PPM1H: variants seen among roughly 807,000 people sequenced by gnomAD.
PPM1H encodes the protein protein phosphatase, Mg2+/Mn2+ dependent 1H.
A neutral mutation model predicts 54.9 loss-of-function variants in PPM1H; 27 were observed. The ratio of observed to expected loss-of-function variants is 0.49; its 90% CI spans 0.36 to 0.68. The LOEUF (loss-of-function observed/expected upper bound fraction) is 0.68, where lower values mean the gene tolerates loss of function less well. PPM1H is among the 30% of genes least tolerant of loss of function. The probability of loss-of-function intolerance (pLI) is 0.00; values close to 1 mark genes in which losing one functional copy is unlikely to be tolerated. For synonymous variants in PPM1H, 305 were observed against 270.8 expected (o/e 1.13, Z -1.24); for missense variants, 596 against 667.8 (o/e 0.89, Z 1.19).
chr12:62,832,139 T>C lies in PPM1H; in HGVS notation c.386A>G (p.Glu129Gly), dbSNP rs1320196044. 1 of 1,613,566 alleles carries C rather than the reference T, an allele frequency of 6.2e-7. No homozygotes were observed. Among genetic ancestry groups the C allele is most frequent in the Admixed American group, 1.7e-5 (1 of 59,986 alleles). Reference sequence around the variant, plus strand: ...CGAGTTCTCCTTCAGCTGCAGCCCTTCCCCATTGGGAAGGGAGGACCGTCT... The same window carrying C: ...CGAGTTCTCCTTCAGCTGCAGCCCTCCCCCATTGGGAAGGGAGGACCGTCT... Reference protein sequence around the residue: ...SKRRSSLPNGEGLQLKENSES... With the variant: ...SKRRSSLPNGGGLQLKENSES... Residue 129 changes from glutamate (E) to glycine (G), a missense_variant, in exon 2 of 10, where the codon GAA becomes GGA. Transcript: ENST00000228705.
chr12:62,675,867 A>G (rs1159979009), intron 8 of PPM1H, among the ~76,000 whole-genome samples: 1 of 152,230 alleles, frequency 6.6e-6, no homozygotes, highest in African/African-American at 2.4e-5. Context: ...GGGGAGATAC[A>G]ATCACCATGG....
intron 1 of PPM1H, among the ~76,000 whole-genome samples, chr12:62,833,205 G>C (rs1868403401): frequency 6.6e-6 from 1 of 152,112 alleles, no homozygotes; most frequent in African/African-American, 2.4e-5. Context: ...GGAGTTTATG[G>C]AACTCAGTAG....
At chr12:62,830,460 T>C (rs1868340061) in intron 2 of PPM1H, among the ~76,000 whole-genome samples, 1 of 152,148 alleles carries the variant, frequency 6.6e-6, no homozygotes, top group South Asian at 2.1e-4. Flanking sequence ...TGTCACTGTG[T>C]TAGCCAGGAT....
chr12:62,669,969 CTTTTTTTTTTT>C lies in PPM1H; in HGVS notation c.1246-2651_1246-2641del, dbSNP rs1161094944. ...AAAATAGTGTTTAGAGGATTGATTC[CTTTTTTTTTTT>C]TTTTTTTTTTTTTTGAGACGGAGTT... is the stretch of plus-strand genomic sequence containing the variant. On this transcript the variant is annotated intron_variant, in intron 8 of 9. Coordinates refer to ENST00000228705, the MANE Select transcript of PPM1H (RefSeq NM_020700.2). Among the ~76,000 whole-genome samples, 11 of 46,428 alleles carry C rather than the reference CTTTTTTTTTTT, an allele frequency of 2.4e-4. 1 individual carries two copies. Among genetic ancestry groups the C allele is most frequent in the African/African-American group, 4.6e-4 (4 of 8,780 alleles). The allele number at this position is 46,428 out of a possible 152,430, so 30.5% of individuals were successfully genotyped here.
chr12:62,698,919 T>C (rs185224860), intron 6 of PPM1H, among the ~76,000 whole-genome samples: 23 of 152,340 alleles, frequency 1.5e-4, no homozygotes, highest in Middle Eastern at 3.4e-3. Context: ...TCCAACTCAC[T>C]GACAACTTCC....
intron 5 of PPM1H, among the ~76,000 whole-genome samples, chr12:62,734,104 G>A (rs2076338233): frequency 6.6e-6 from 1 of 151,446 alleles, no homozygotes; most frequent in African/African-American, 2.4e-5. Flanking sequence ...AGGCTCCAGG[G>A]AGCATCCTTG....
At chr12:62,855,860 C>T (rs1869365132) in intron 1 of PPM1H, among the ~76,000 whole-genome samples, 1 of 152,180 alleles carries the variant, frequency 6.6e-6, no homozygotes, top group African/African-American at 2.4e-5. Flanking sequence ...GCTGTGTTCT[C>T]AAACAAAGGG....
At chr12:62,654,885 T>G (rs1274926929) in intron 9 of PPM1H, among the ~76,000 whole-genome samples, 1 of 152,138 alleles carries the variant, frequency 6.6e-6, no homozygotes, top group Non-Finnish European at 1.5e-5. Context: ...AGGGAGAAGT[T>G]TAGGGAAGAT....
chr12:62,662,255 A>T (rs2075888526), intron 9 of PPM1H, among the ~76,000 whole-genome samples: 1 of 152,260 alleles, frequency 6.6e-6, no homozygotes, highest in African/African-American at 2.4e-5. Flanking sequence ...GTGGCTTTGC[A>T]AAGCTTTATA....
At chr12:62,878,647 A>G (rs1870271471) in intron 1 of PPM1H, among the ~76,000 whole-genome samples, 1 of 149,688 alleles carries the variant, frequency 6.7e-6, no homozygotes, top group South Asian at 2.1e-4. Flanking sequence ...AAAAAAAAAA[A>G]AAAAAAAAGA....
chr12:62,711,101 C>A (rs1208810036), intron 6 of PPM1H, among the ~76,000 whole-genome samples: 1 of 152,176 alleles, frequency 6.6e-6, no homozygotes, highest in African/African-American at 2.4e-5. Context: ...AAGTGTTCTG[C>A]CCACCTCAGG....
At chr12:62,706,197 G>C (rs1176339189) in intron 6 of PPM1H, among the ~76,000 whole-genome samples, 1 of 152,116 alleles carries the variant, frequency 6.6e-6, no homozygotes, top group Non-Finnish European at 1.5e-5. Flanking sequence ...AACCATGAGA[G>C]TTTTGCACAA....
chr12:62,842,132 G>C (rs1403554360), intron 1 of PPM1H, among the ~76,000 whole-genome samples: 2 of 152,166 alleles, frequency 1.3e-5, no homozygotes, highest in Non-Finnish European at 2.9e-5. Flanking sequence ...ATCCAAATAA[G>C]ATTGAAGTGT....
intron 6 of PPM1H, among the ~76,000 whole-genome samples, chr12:62,700,981 T>C (rs1038720422): frequency 1.3e-5 from 2 of 152,204 alleles, no homozygotes; most frequent in African/African-American, 2.4e-5. Context: ...TTCCTTACTA[T>C]GGTTATTTTT....
chr12:62,658,182 ATTTTTTTTTTTTTT>A lies in PPM1H; in HGVS notation c.1397+8982_1397+8995del, dbSNP rs1173229360. 4.4e-3 allele frequency among the ~76,000 whole-genome samples: 387 copies of A among 87,532 alleles called. 1 individual carries two copies. The highest frequency in any genetic ancestry group is 8.7e-3 in the Admixed American group (72 of 8,300). 57.4% of individuals were successfully genotyped at this position (87,532 alleles called of 152,430 possible). The stretch of plus-strand genomic sequence containing the variant: ...GAGACCAGCCTGGGTAACACGGTGA[ATTTTTTTTTTTTTT>A]TTTTTTTTTTTTTTTTAAGTAAAAA... On this transcript the variant is annotated intron_variant, in intron 9 of 9. Coordinates refer to ENST00000228705, the MANE Select transcript of PPM1H (RefSeq NM_020700.2).
intron 6 of PPM1H, among the ~76,000 whole-genome samples, chr12:62,719,395 TC>T (rs2076252225): frequency 6.6e-6 from 1 of 152,174 alleles, no homozygotes; most frequent in East Asian, 1.9e-4. Flanking sequence ...GGAGGCTCGC[TC>T]GTTAGGACCC....
intron 6 of PPM1H, among the ~76,000 whole-genome samples, chr12:62,714,241 G>A (rs192677633): frequency 4.9e-4 from 75 of 152,270 alleles, no homozygotes; most frequent in African/African-American, 1.7e-3. Context: ...ATGTAATTTA[G>A]CTAATTTAAA....
At chr12:62,830,327 C>T (rs1868337034) in intron 2 of PPM1H, among the ~76,000 whole-genome samples, 1 of 152,154 alleles carries the variant, frequency 6.6e-6, no homozygotes, top group South Asian at 2.1e-4. Flanking sequence ...GTGATCTCAG[C>T]TCACTGCAAG....
At chr12:62,675,917 C>G (rs76392993) in intron 8 of PPM1H, among the ~76,000 whole-genome samples, 1 of 152,256 alleles carries the variant, frequency 6.6e-6, no homozygotes, top group East Asian at 1.9e-4. Flanking sequence ...AAGTCAATCC[C>G]GCTGATTGCA....
Sources: allele counts gnomAD v4.1 joint callset (sites outside exome capture counted in the v4.1 genomes callset), GRCh38; gene constraint gnomAD v4.1.1; transcripts MANE v1.5; gene names NCBI Gene and HGNC (gene_info 2026-07-23, HGNC 2026-07-21).